NHSL1: variants seen among roughly 807,000 people sequenced by gnomAD.
The protein encoded by NHSL1 is NHS like 1.
NHSL1 carries 48 observed loss-of-function variants against 95.0 expected under a neutral mutation model. That is an observed-to-expected ratio of 0.51 (90% CI 0.40 to 0.64). The LOEUF (loss-of-function observed/expected upper bound fraction) is 0.64. Ranked by LOEUF, NHSL1 falls within the 30% of genes least tolerant of loss-of-function variation. The probability of loss-of-function intolerance (pLI) is 0.00; values close to 1 mark genes in which losing one functional copy is unlikely to be tolerated. For missense variants in NHSL1, 1,971 were observed against 2,077.7 expected (o/e 0.95, Z 1.00); for synonymous variants, 783 against 833.9 (o/e 0.94, Z 1.05).
chr6:138,625,424 CTA>C (rs1382351171), intron 1 of NHSL1, among the ~76,000 whole-genome samples: 3 of 152,050 alleles, frequency 2.0e-5, no homozygotes, highest in African/African-American at 7.2e-5. Flanking sequence ...TGTTAATTTG[CTA>C]TGTTTCTTGA....
upstream of NHSL1, among the ~76,000 whole-genome samples, chr6:138,573,380 C>T (rs150633667): frequency 5.1e-4 from 77 of 152,256 alleles, no homozygotes; most frequent in East Asian, 7.1e-3. Context: ...AAATAAGCAA[C>T]GAGTAGAGAA....
chr6:138,476,138 T>C (rs1432083413), intron 2 of NHSL1, among the ~76,000 whole-genome samples: 1 of 152,166 alleles, frequency 6.6e-6, no homozygotes, highest in African/African-American at 2.4e-5. Flanking sequence ...GCAATCCCAC[T>C]ACTGAGCATC....
Position 138,432,813 on chromosome 6 carries a change from T to A in NHSL1, c.1532A>T (p.Asn511Ile), listed in dbSNP as rs1197123891. Reference sequence around the variant, plus strand: ...ATTATACGGCATAGCTTGGGACCCATTCTCCCTATTTGCTGGAGCATTTAG... The same window carrying A: ...ATTATACGGCATAGCTTGGGACCCAATCTCCCTATTTGCTGGAGCATTTAG... The part of the protein sequence containing the change: ...VPLNAPANRE[N>I]GSQAMPYNCR... Residue 511 changes from asparagine to isoleucine, a missense_variant, in exon 6 of 8, where the codon AAT becomes ATT. By Grantham distance (149) the Asn-to-Ile change is moderately radical. Transcript: ENST00000343505. The surrounding 1 kb of genome is among the most constrained non-coding windows in gnomAD (Gnocchi z 4.4). 9 of 1,551,652 alleles carry A rather than the reference T, an allele frequency of 5.8e-6. No individual in the cohort carries two copies. The highest frequency in any genetic ancestry group is 1.2e-5 in the South Asian group (1 of 84,056).
intron 3 of NHSL1, among the ~76,000 whole-genome samples, chr6:138,455,477 CACAT>C (rs1362524244): frequency 8.7e-4 from 16 of 18,476 alleles, no homozygotes; most frequent in Admixed American, 2.2e-3. Flanking sequence ...GCCCCGCCTT[CACAT>C]GCTCCCTGCA....
intron 1 of NHSL1, among the ~76,000 whole-genome samples, chr6:138,579,156 C>A (rs1185739299): frequency 2.6e-5 from 4 of 152,214 alleles, no homozygotes; most frequent in African/African-American, 9.6e-5. Context: ...GGCAGCAATG[C>A]TCGCTTGCCC....
rs76870163 is a variant in NHSL1 at position 138,469,845 on chromosome 6, C to T, written c.339+3461G>A. On this transcript the variant is annotated intron_variant, in intron 3 of 7. Transcript: ENST00000343505. ...GATGGAAAACATGCCCTAAGGTCAT[C>T]GAATTGGCTACGTTATAGTGGGTGG... Among the ~76,000 whole-genome samples the T allele has an allele frequency of 6.6e-5, 10 of 152,182 alleles. 1 individual carries two copies. In the East Asian group the frequency reaches 1.7e-3, roughly 26 times the overall value.
At chr6:138,570,586 C>T (rs906022777) in intron 1 of NHSL1, among the ~76,000 whole-genome samples, 2 of 152,184 alleles carry the variant, frequency 1.3e-5, no homozygotes, top group Non-Finnish European at 2.9e-5. Flanking sequence ...CCCTCTTGTG[C>T]CATAGTTTAA....
chr6:138,470,517 C>T (rs1778682941), intron 3 of NHSL1: 1 of 152,306 alleles, frequency 6.6e-6, no homozygotes, highest in South Asian at 2.1e-4. Context: ...TCTTGAATTC[C>T]TGAGTTCAAG....
At chr6:138,670,665 C>CA (rs370888768) in intron 1 of NHSL1, among the ~76,000 whole-genome samples, 4,182 of 68,376 alleles carry the variant, frequency 0.061, 168 homozygotes, top group South Asian at 0.095. Flanking sequence ...GACTCCGTCT[C>CA]AAAAAAAAAA....
At chr6:138,471,077 CA>C (rs1194612844) in intron 3 of NHSL1, among the ~76,000 whole-genome samples, 1 of 152,132 alleles carries the variant, frequency 6.6e-6, no homozygotes, top group African/African-American at 2.4e-5. Context: ...GACCCTCTCA[CA>C]CACATCTGGG....
Position 138,424,743 on chromosome 6 carries a change from C to G in NHSL1, c.4159G>C (p.Val1387Leu), listed in dbSNP as rs1327351996. ...CTTGGGGCAGCGCCGGTGGGTGTCA[C>G]GGGCGGGGAGGGAGAATGGTTTCGG... is the stretch of plus-strand genomic sequence containing the variant. ...HSRNHSPSPP[V>L]TPTGAAPSLA... Residue 1387 changes from valine (V) to leucine (L), a missense_variant, in exon 8 of 8, where the codon GTG becomes CTG. Transcript: ENST00000343505. This position sits in a 1 kb window ranked among gnomAD's most constrained non-coding sequence, Gnocchi z 5.9. 1 of 1,551,338 alleles carries G rather than the reference C, an allele frequency of 6.4e-7. No individual in the cohort carries two copies. The highest frequency in any genetic ancestry group is 1.4e-5 in the African/African-American group (1 of 73,082).
intron 1 of NHSL1, among the ~76,000 whole-genome samples, chr6:138,685,867 T>C (rs1452979443): frequency 6.6e-6 from 1 of 152,172 alleles, no homozygotes; most frequent in Non-Finnish European, 1.5e-5. Flanking sequence ...CCCAGCTCCA[T>C]TGCTTACCAG....
chr6:138,640,467 A>G (rs1017254784), intron 1 of NHSL1, among the ~76,000 whole-genome samples: 3 of 152,188 alleles, frequency 2.0e-5, no homozygotes, highest in Non-Finnish European at 4.4e-5. Context: ...CTGCCACCCA[A>G]GACAGCAAGA....
At chr6:138,503,843 T>C (rs1032343522), upstream of NHSL1, among the ~76,000 whole-genome samples, 1 of 152,174 alleles carries the variant, frequency 6.6e-6, no homozygotes, top group African/African-American at 2.4e-5. Flanking sequence ...CCCCCCAAAC[T>C]GTTTCTCAGG....
intron 1 of NHSL1, among the ~76,000 whole-genome samples, chr6:138,660,188 G>A (rs747401738): frequency 6.6e-5 from 10 of 152,238 alleles, no homozygotes; most frequent in South Asian, 2.1e-4. Context: ...ATACACCTAC[G>A]TAGTTCCTTT....
At position 138,432,096 on chromosome 6, in the gene NHSL1, G is replaced by A. The variant is rs1775725316; in HGVS notation, c.2249C>T (p.Ser750Phe). 1 of 1,551,456 alleles carries A rather than the reference G, an allele frequency of 6.4e-7. No individual in the cohort carries two copies. The highest frequency in any genetic ancestry group is 8.7e-7 in the Non-Finnish European group (1 of 1,146,952). ...GGAGTAGACATTGGGGGTGGTGGCG[G>A]AAGTCATGCTGCTGCCAGCACTAAC... ...STVSAGSSMT[S>F]ATTPNVYSLC... The change falls in exon 6 of 8, where the codon TCC becomes TTC. Residue 750 changes from serine (S) to phenylalanine (F), a missense_variant. Physicochemically the swap from Ser to Phe is radical, Grantham distance 155. Transcript: ENST00000343505. This position sits in a 1 kb window ranked among gnomAD's most constrained non-coding sequence, Gnocchi z 4.4.
At chr6:138,569,849 T>C (rs1783758364) in intron 1 of NHSL1, among the ~76,000 whole-genome samples, 1 of 152,024 alleles carries the variant, frequency 6.6e-6, no homozygotes, top group Non-Finnish European at 1.5e-5. Flanking sequence ...ACACCGTATG[T>C]CAAAAATCAT....
chr6:138,570,077 G>C (rs962718280), intron 1 of NHSL1, among the ~76,000 whole-genome samples: 2 of 152,148 alleles, frequency 1.3e-5, no homozygotes, highest in African/African-American at 2.4e-5. Flanking sequence ...TACAGTATTT[G>C]CTTTATTTCC....
chr6:138,601,589 G>A (rs909813251), intron 1 of NHSL1, among the ~76,000 whole-genome samples: 8 of 152,156 alleles, frequency 5.3e-5, no homozygotes, highest in African/African-American at 9.6e-5. Flanking sequence ...CGAGGCGGGC[G>A]GATCACAAGG....
Sources: gnomAD v4.1 joint callset for allele counts (sites outside exome capture counted in the v4.1 genomes callset) on GRCh38, gnomAD v4.1.1 for gene constraint, Gnocchi (gnomAD v3.1) non-coding constraint, MANE v1.5 for transcripts, NCBI Gene and HGNC (gene_info 2026-07-23, HGNC 2026-07-21) for gene names.